ATP13A5: variants seen among roughly 807,000 people sequenced by gnomAD.
The protein encoded by ATP13A5 is ATPase 13A5.
A neutral mutation model predicts 150.2 loss-of-function variants in ATP13A5; 149 were observed. The observed-to-expected ratio is 0.99, with a 90% CI of 0.87 to 1.14. The LOEUF (loss-of-function observed/expected upper bound fraction) is 1.14, where lower values mean the gene tolerates loss of function less well. Among genes scored for constraint, ATP13A5 ranks in the 50% most tolerant of loss-of-function variants. ATP13A5 has a pLI of 0.00. For missense variants in ATP13A5, 1,383 were observed against 1,449.3 expected (o/e 0.95, Z 0.74); for synonymous variants, 497 against 522.2 (o/e 0.95, Z 0.66).
intron 26 of ATP13A5, among the ~76,000 whole-genome samples, chr3:193,285,615 A>T (rs950444826): frequency 6.6e-6 from 1 of 152,114 alleles, no homozygotes; most frequent in African/African-American, 2.4e-5. Context: ...CAACTGGCCT[A>T]TGAGATCTTT....
chr3:193,275,180 T>C lies in ATP13A5; in HGVS notation c.3519A>G (p.Ile1173Met), dbSNP rs188756416. The change falls in exon 30 of 30, where the codon ATA becomes ATG. Residue 1173 changes from isoleucine to methionine, a missense_variant. Around this residue, in one of 3 missense-constraint regions of ATP13A5, gnomAD observed 568 missense variants for 621.5 expected, o/e 0.91. Transcript: ENST00000342358. The part of the protein sequence containing the change: ...KLAEDSTWPP[I>M]NRTDYSGDGK... ...CATCACCTGAATAATCTGTCCTGTT[T>C]ATGGGAGGCCAGGTTGAGTCTTCTG... 13 of 1,614,234 alleles carry C rather than the reference T, an allele frequency of 8.1e-6. No individual in the cohort carries two copies. Among genetic ancestry groups the C allele is most frequent in the Non-Finnish European group, 1.0e-5 (12 of 1,180,038 alleles).
chr3:193,371,516 G>A (rs142506831), intron 1 of ATP13A5, among the ~76,000 whole-genome samples: 58 of 152,308 alleles, frequency 3.8e-4, no homozygotes, highest in South Asian at 1.2e-3. Flanking sequence ...AACTCAAGGC[G>A]TCACCTGAGC....
At chr3:193,370,239 C>T (rs1052618774) in intron 1 of ATP13A5, among the ~76,000 whole-genome samples, 4 of 152,180 alleles carry the variant, frequency 2.6e-5, no homozygotes, top group African/African-American at 7.2e-5. Flanking sequence ...AATATGCATG[C>T]GCTTTTTCAC....
intron 6 of ATP13A5, among the ~76,000 whole-genome samples, chr3:193,352,677 A>G (rs1317007979): frequency 6.6e-6 from 1 of 152,208 alleles, no homozygotes; most frequent in Admixed American, 6.5e-5. Flanking sequence ...CAGGACGTAT[A>G]TGGGAAATCT....
intron 5 of ATP13A5, among the ~76,000 whole-genome samples, chr3:193,361,128 A>G (rs1712990568): frequency 6.6e-6 from 1 of 152,194 alleles, no homozygotes; most frequent in Non-Finnish European, 1.5e-5. Flanking sequence ...ATCAACTAGA[A>G]TTCTTAAATG....
intron 26 of ATP13A5, among the ~76,000 whole-genome samples, chr3:193,286,865 C>G (rs1323256797): frequency 6.6e-6 from 1 of 152,136 alleles, no homozygotes; most frequent in East Asian, 1.9e-4. Context: ...GCCTCTTGCA[C>G]CAGTTAGCCA....
intron 16 of ATP13A5, 49 bp from the exon 17 acceptor site, chr3:193,319,157 G>C (rs770497210): frequency 7.3e-7 from 1 of 1,378,146 alleles, no homozygotes; most frequent in Non-Finnish European, 1.0e-6. Context: ...TTGAAGGCTG[G>C]TCTAAGCAAG....
At chr3:193,373,789 T>C (rs1254415494) in intron 1 of ATP13A5, among the ~76,000 whole-genome samples, 1 of 152,224 alleles carries the variant, frequency 6.6e-6, no homozygotes, top group Admixed American at 6.5e-5. Flanking sequence ...GAGCCTAGAC[T>C]AAAGCCCAGG....
intron 26 of ATP13A5, among the ~76,000 whole-genome samples, chr3:193,289,251 A>G (rs1362297916): frequency 6.6e-6 from 1 of 152,142 alleles, no homozygotes; most frequent in Non-Finnish European, 1.5e-5. Flanking sequence ...CTACCACAAA[A>G]ACATTAAAGC....
chr3:193,350,713 T>A (rs1022166417), intron 7 of ATP13A5, among the ~76,000 whole-genome samples: 1 of 152,150 alleles, frequency 6.6e-6, no homozygotes, highest in East Asian at 1.9e-4. Flanking sequence ...CTAAGGGGCA[T>A]AATATCTTGA....
At chr3:193,301,099 G>T in intron 24 of ATP13A5, 112 bp downstream of exon 24, 2 of 934,326 alleles carry the variant, frequency 2.1e-6, no homozygotes, top group South Asian at 2.9e-5. Context: ...CCTATTTTGA[G>T]AAATGTCATT....
chr3:193,276,737 G>C lies in ATP13A5; in HGVS notation c.3396+13C>G. On this transcript the variant is annotated intron_variant, in intron 29 of 29. Transcript: ENST00000342358. ...TGTTTATCTTCCTAGAAAAAATATA[G>C]AGATTACTTTACCTCTACAAAGAAA... 2.6e-6 allele frequency: 4 copies of C among 1,554,334 alleles called. No homozygotes were observed. Among genetic ancestry groups the C allele is most frequent in the Middle Eastern group, 1.7e-4 (1 of 5,802 alleles).
At chr3:193,283,841 C>T (rs997958771) in intron 27 of ATP13A5, among the ~76,000 whole-genome samples, 11 of 150,196 alleles carry the variant, frequency 7.3e-5, no homozygotes, top group African/African-American at 2.7e-4. Flanking sequence ...GATAGGGTGA[C>T]CATCTTTATC....
chr3:193,363,190 C>A, intron 3 of ATP13A5, 46 bp downstream of exon 3: 1 of 1,555,576 alleles, frequency 6.4e-7, no homozygotes, highest in Non-Finnish European at 8.7e-7. Flanking sequence ...TTATTTTATG[C>A]TTTCTCTGTA....
intron 29 of ATP13A5, 43 bp from the exon 30 acceptor site, chr3:193,275,345 C>T: frequency 2.5e-6 from 4 of 1,596,616 alleles, no homozygotes; most frequent in Non-Finnish European, 3.4e-6. Flanking sequence ...TTGCGCAGGT[C>T]CCCCTGCAGC....
intron 6 of ATP13A5, among the ~76,000 whole-genome samples, chr3:193,353,263 G>T (rs1207303846): frequency 6.6e-6 from 1 of 150,846 alleles, no homozygotes; most frequent in African/African-American, 2.4e-5. Context: ...AGCACAGAAA[G>T]CACAGAGAGA....
chr3:193,294,837 G>T (rs149933250), intron 25 of ATP13A5, among the ~76,000 whole-genome samples: 1 of 152,232 alleles, frequency 6.6e-6, no homozygotes, highest in Non-Finnish European at 1.5e-5. Context: ...GCTCAAACAT[G>T]CTCACAACGC....
At chr3:193,294,622 C>T (rs1718090160) in intron 25 of ATP13A5, among the ~76,000 whole-genome samples, 1 of 151,998 alleles carries the variant, frequency 6.6e-6, no homozygotes, top group Admixed American at 6.6e-5. Context: ...ATTGTCTCTT[C>T]CCAGAACCAA....
chr3:193,311,904 C>A lies in ATP13A5; in HGVS notation c.2357G>T (p.Arg786Leu), dbSNP rs368258320. 8 of 1,613,882 alleles carry A rather than the reference C, an allele frequency of 5.0e-6. No homozygotes were observed. Among genetic ancestry groups the A allele is most frequent in the Admixed American group, 3.3e-5 (2 of 60,002 alleles). The change falls in exon 20 of 30, where the codon CGT becomes CTT. Residue 786 changes from arginine to leucine, a missense_variant. Physicochemically the swap from Arg to Leu is moderately radical, Grantham distance 102. Around this residue, in one of 3 missense-constraint regions of ATP13A5, gnomAD observed 568 missense variants for 621.5 expected, o/e 0.91. Transcript: ENST00000342358. Reference protein sequence around the residue: ...YMHTGNSSTPRGEGGSCYHFA... With the variant: ...YMHTGNSSTPLGEGGSCYHFA... ...ATGGTAACAGCTTCCTCCTTCCCCA[C>A]GAGGGGTTGAACTGTTTCCAGTATG...
Sources: allele counts gnomAD v4.1 joint callset (sites outside exome capture counted in the v4.1 genomes callset), GRCh38; gene constraint gnomAD v4.1.1; regional missense constraint gnomAD v4.1.1; transcripts MANE v1.5; gene names NCBI Gene and HGNC (gene_info 2026-07-23, HGNC 2026-07-21).